Variants in DCC observed in about 807,000 individuals in gnomAD.
The protein encoded by DCC is netrin receptor DCC.
A neutral mutation model predicts 172.5 loss-of-function variants in DCC; 58 were observed. That is an observed-to-expected ratio of 0.34 (90% CI 0.27 to 0.42). DCC has a LOEUF of 0.42. Ranked by LOEUF, DCC falls within the 10% of genes least tolerant of loss-of-function variation. DCC has a pLI of 1.00. For missense variants in DCC, 1,740 were observed against 1,791.0 expected, an observed-to-expected ratio of 0.97 and a Z score of 0.51; for synonymous variants, 709 against 644.5, an observed-to-expected ratio of 1.10 and a Z score of -1.52.
intron 1 of DCC, among the ~76,000 whole-genome samples, chr18:52,462,201 C>T (rs976380244): frequency 1.3e-5 from 2 of 152,128 alleles, no homozygotes; most frequent in African/African-American, 4.8e-5. Context: ...CATATGTTGT[C>T]TCTTGGCTTC....
intron 5 of DCC, among the ~76,000 whole-genome samples, chr18:52,997,985 G>A (rs1303916608): frequency 1.3e-5 from 2 of 151,938 alleles, no homozygotes; most frequent in African/African-American, 4.8e-5. Context: ...CTTCTGTGCT[G>A]GAAACTATAT....
intron 1 of DCC, among the ~76,000 whole-genome samples, chr18:52,466,343 C>T (rs547800518): frequency 5.9e-5 from 9 of 152,076 alleles, no homozygotes; most frequent in South Asian, 2.1e-4. Context: ...GTTAAATCAA[C>T]GAAGTACAGC....
At chr18:53,145,214 C>T (rs1474119452) in intron 7 of DCC, among the ~76,000 whole-genome samples, 5 of 143,362 alleles carry the variant, frequency 3.5e-5, no homozygotes, top group African/African-American at 1.3e-4. Flanking sequence ...TCCCGGTTCT[C>T]GCCATTCTCC....
intron 5 of DCC, among the ~76,000 whole-genome samples, chr18:52,994,882 A>AT (rs943433203): frequency 1.3e-5 from 2 of 152,150 alleles, no homozygotes; most frequent in Admixed American, 6.5e-5. Context: ...CTTGAGATTG[A>AT]TTTTTTTCTC....
chr18:52,753,115 T>C (rs569595370), intron 2 of DCC, among the ~76,000 whole-genome samples: 1 of 152,296 alleles, frequency 6.6e-6, no homozygotes, highest in Non-Finnish European at 1.5e-5. Context: ...TATACCCTCA[T>C]TTCAATTCCT....
intron 12 of DCC, among the ~76,000 whole-genome samples, chr18:53,268,940 G>A (rs942350584): frequency 6.6e-6 from 1 of 152,176 alleles, no homozygotes; most frequent in Non-Finnish European, 1.5e-5. Context: ...TTTATAGAGT[G>A]TAGTCTCCAG....
chr18:52,660,218 C>T (rs2035331924), intron 1 of DCC, among the ~76,000 whole-genome samples: 1 of 152,118 alleles, frequency 6.6e-6, no homozygotes, highest in Non-Finnish European at 1.5e-5. Flanking sequence ...TGCTCCATCT[C>T]TTCCCACTGT....
At chr18:52,431,010 A>T (rs2144467254) in intron 1 of DCC, among the ~76,000 whole-genome samples, 1 of 152,280 alleles carries the variant, frequency 6.6e-6, no homozygotes, top group Non-Finnish European at 1.5e-5. Flanking sequence ...AACTGGAGGG[A>T]TTAGCCCATC....
Position 52,409,924 on chromosome 18 carries a change from G to C in DCC, c.91+69046G>C, listed in dbSNP as rs74781279. Among the ~76,000 whole-genome samples, 485 of 152,222 alleles carry C rather than the reference G, an allele frequency of 3.2e-3. 1 individual carries two copies. Among genetic ancestry groups the C allele is most frequent in the Admixed American group, 5.2e-3 (79 of 15,278 alleles). On this transcript the variant is annotated intron_variant, in intron 1 of 28. Coordinates refer to ENST00000442544, the MANE Select transcript of DCC (RefSeq NM_005215.4). ...ACAATAGAATCTAAGACGTGTCACTGTTGCTCTTTTAAGGGCACCCTCTGG... is the reference window on the plus strand; with the variant it reads ...ACAATAGAATCTAAGACGTGTCACTCTTGCTCTTTTAAGGGCACCCTCTGG...
chr18:52,788,364 G>C (rs138879252), intron 2 of DCC, among the ~76,000 whole-genome samples: 20 of 152,240 alleles, frequency 1.3e-4, no homozygotes, highest in Non-Finnish European at 2.2e-4. Context: ...TGGAGCCTAG[G>C]AACCAGACAG....
chr18:53,109,599 T>C (rs980531016), intron 7 of DCC, among the ~76,000 whole-genome samples: 2 of 139,262 alleles, frequency 1.4e-5, no homozygotes, highest in African/African-American at 5.1e-5. Flanking sequence ...CTTCCTTCCT[T>C]CCTTCTTTCC....
chr18:52,557,325 C>G (rs1456529969), intron 1 of DCC, among the ~76,000 whole-genome samples: 3 of 152,116 alleles, frequency 2.0e-5, no homozygotes, highest in Non-Finnish European at 4.4e-5. Context: ...ATTATCCAAA[C>G]CTTCAGGAAT....
intron 12 of DCC, among the ~76,000 whole-genome samples, chr18:53,246,586 C>T (rs1009461591): frequency 2.6e-5 from 4 of 151,652 alleles, no homozygotes; most frequent in African/African-American, 9.7e-5. Flanking sequence ...AGTACAACAC[C>T]ATAGACAATG....
At position 52,492,269 on chromosome 18, in the gene DCC, G is replaced by A. The variant is rs1201191677; in HGVS notation, c.91+151391G>A. Among the ~76,000 whole-genome samples, 4 of 152,018 alleles carry A rather than the reference G, an allele frequency of 2.6e-5. No homozygotes were observed. In the East Asian group the frequency reaches 5.8e-4, roughly 22 times the overall value. ...ACATTAAGTAGACGATTCTCGAGAA[G>A]GAAACAGGGAAAGATAGTCACAACT... On this transcript the variant is annotated intron_variant, in intron 1 of 28. Transcript: ENST00000442544.
chr18:53,133,862 G>A (rs2043696765), intron 7 of DCC, among the ~76,000 whole-genome samples: 1 of 152,160 alleles, frequency 6.6e-6, no homozygotes, highest in Non-Finnish European at 1.5e-5. Flanking sequence ...ATGAAAAGCT[G>A]AGCCAGGTCA....
intron 1 of DCC, among the ~76,000 whole-genome samples, chr18:52,460,696 C>A (rs1469523823): frequency 6.6e-5 from 10 of 152,156 alleles, no homozygotes; most frequent in South Asian, 2.1e-4. Flanking sequence ...CGTTACTATT[C>A]TGAATACTAC....
At chr18:52,539,801 A>G (rs2032388128) in intron 1 of DCC, among the ~76,000 whole-genome samples, 1 of 152,220 alleles carries the variant, frequency 6.6e-6, no homozygotes, top group African/African-American at 2.4e-5. Context: ...TATGCAAGAT[A>G]ATACATGTAT....
rs149053668 is a variant in DCC at position 52,450,110 on chromosome 18, C to T, written c.91+109232C>T. Among the ~76,000 whole-genome samples, 730 of 152,126 alleles carry T rather than the reference C, an allele frequency of 4.8e-3. 10 individuals are homozygous for T. Among genetic ancestry groups the T allele is most frequent in the African/African-American group, 0.016 (665 of 41,506 alleles). ...TTTCGGAAATAAGCCTGTCTCAAACCGAGACTTAAATGTAATGAAACTGCC... is the reference window on the plus strand; with the variant it reads ...TTTCGGAAATAAGCCTGTCTCAAACTGAGACTTAAATGTAATGAAACTGCC... On this transcript the variant is annotated intron_variant, in intron 1 of 28. Transcript: ENST00000442544.
chr18:53,150,253 G>A (rs966850426), intron 7 of DCC, among the ~76,000 whole-genome samples: 1 of 152,154 alleles, frequency 6.6e-6, no homozygotes, highest in African/African-American at 2.4e-5. Context: ...TAATAATAAT[G>A]AACATAACTA....
Sources: gnomAD v4.1 joint callset for allele counts (sites outside exome capture counted in the v4.1 genomes callset) on GRCh38, gnomAD v4.1.1 for gene constraint, MANE v1.5 for transcripts, NCBI Gene and HGNC (gene_info 2026-07-23, HGNC 2026-07-21) for gene names.